The following STK35 variants were observed in gnomAD, a reference collection of about 807,000 sequenced individuals.
STK35 encodes serine/threonine kinase 35, also known as serine/threonine-protein kinase 35.
A neutral mutation model predicts 37.3 loss-of-function variants in STK35; 17 were observed. The observed-to-expected ratio is 0.46, with a 90% CI of 0.31 to 0.68. STK35 has a LOEUF of 0.68. Among genes scored for constraint, STK35 ranks in the 30% least tolerant of loss-of-function variants. STK35 has a pLI of 0.05. For missense variants in STK35, 595 were observed against 746.7 expected, an observed-to-expected ratio of 0.80 and a Z score of 2.37; for synonymous variants, 385 against 319.1, an observed-to-expected ratio of 1.21 and a Z score of -2.20.
In STK35 at chr20:2,103,210, C is replaced by G. The variant is rs1985442157; in HGVS notation, c.737C>G (p.Ala246Gly). ...CCCGAGAACGTGGAGCTGGCGCTGG[C>G]TGAATTCTGGGCCCTCACCAGCCTC... ...DAPENVELALAEFWALTSLKR... is the reference protein window; with the variant it reads ...DAPENVELALGEFWALTSLKR... The change falls in exon 2 of 4, where the codon GCT (alanine) becomes GGT (glycine). Residue 246 changes from alanine to glycine, a missense_variant. By Grantham distance (60) the Ala-to-Gly change is moderately conservative. Transcript: ENST00000381482. 2 of 1,611,664 alleles carry G rather than the reference C, an allele frequency of 1.2e-6. No individual in the cohort carries two copies. Among genetic ancestry groups the G allele is most frequent in the African/African-American group, 2.7e-5 (2 of 74,934 alleles).
At chr20:2,112,480 A>G (rs569770093) in intron 2 of STK35, among the ~76,000 whole-genome samples, 2 of 152,282 alleles carry the variant, frequency 1.3e-5, no homozygotes, top group South Asian at 4.1e-4. Context: ...ACTGTCCCCA[A>G]AGGCAGGCCT....
rs143679349 is a variant in STK35 at position 2,126,159 on chromosome 20, T to C, written c.*37+8744T>C. Among the ~76,000 whole-genome samples the C allele has an allele frequency of 4.9e-3, 741 of 152,354 alleles. 3 individuals carry two copies. The highest frequency in any genetic ancestry group is 0.017 in the African/African-American group (705 of 41,584). ...ATTCCGTCACTCATGCTTACTCCAA[T>C]TGATGTGGCTGCCCATAGCCCTGTG... is the stretch of plus-strand genomic sequence containing the variant. On this transcript the variant is annotated intron_variant, in intron 3 of 3. Transcript: ENST00000381482.
In STK35 at chr20:2,102,827, G is replaced by C. The variant is rs1317041409; in HGVS notation, c.354G>C (p.Gly118=). The change falls in exon 2 of 4, where the codon GGG becomes GGC. Residue 118 remains glycine (G), a synonymous_variant. Transcript: ENST00000381482. ...RPRAGRRDEA[G]GARAAPLLLP... Reference sequence around the variant, plus strand: ...GGGCCGGACGGAGGGATGAGGCAGGGGGGGCCCGGGCAGCGCCGTTGCTGC... The same window carrying C: ...GGGCCGGACGGAGGGATGAGGCAGGCGGGGCCCGGGCAGCGCCGTTGCTGC... The C allele has an allele frequency of 1.3e-6, 2 of 1,529,680 alleles. No homozygotes were observed. Among genetic ancestry groups the C allele is most frequent in the Admixed American group, 2.0e-5 (1 of 50,384 alleles). 94.8% of individuals were successfully genotyped at this position (1,529,680 alleles called of 1,614,324 possible).
At chr20:2,128,385 AG>A (rs1985942118) in intron 3 of STK35, among the ~76,000 whole-genome samples, 1 of 152,126 alleles carries the variant, frequency 6.6e-6, no homozygotes, top group Admixed American at 6.5e-5. Context: ...ATAATTACCT[AG>A]CACTGTGACT....
At position 2,144,589 on chromosome 20, in the gene STK35, G is replaced by A. The variant is rs990851539; in HGVS notation, c.*843G>A. ...TGCTGGCGGTGGAGCAGCCATCCCTGCCTTTCTGTTGGGAAAAACTGTTGT... is the reference window on the plus strand; with the variant it reads ...TGCTGGCGGTGGAGCAGCCATCCCTACCTTTCTGTTGGGAAAAACTGTTGT... On this transcript the variant is annotated 3_prime_UTR_variant, in exon 4 of 4. Transcript: ENST00000381482. 1.3e-5 allele frequency: 2 copies of A among 152,910 alleles called. No individual in the cohort carries two copies. The highest frequency in any genetic ancestry group is 4.8e-5 in the African/African-American group (2 of 41,468). 9.5% of individuals were successfully genotyped at this position (152,910 alleles called of 1,614,324 possible).
At chr20:2,102,538 CAGAG>C (rs540261231) in intron 1 of STK35, among the ~76,000 whole-genome samples, 26 of 152,360 alleles carry the variant, frequency 1.7e-4, no homozygotes, top group Middle Eastern at 3.4e-3. Flanking sequence ...GACAAGCTAA[CAGAG>C]AGAGCGGAGA....
In STK35 at chr20:2,146,081, T is replaced by A. The variant is rs1223366235; in HGVS notation, c.*2335T>A. On this transcript the variant is annotated 3_prime_UTR_variant, in exon 4 of 4. Transcript: ENST00000381482. ...TCGCCAGCCTCCATGCCCCCTCATC[T>A]TCCAGTTCTTGCTTAGTGGCACGAC... 1.3e-5 allele frequency: 2 copies of A among 152,222 alleles called. No individual in the cohort carries two copies. Among genetic ancestry groups the A allele is most frequent in the Non-Finnish European group, 2.9e-5 (2 of 68,046 alleles). 9.4% of individuals were successfully genotyped at this position (152,222 alleles called of 1,614,324 possible). A position where few individuals can be genotyped will look rare whatever the true frequency, so the allele number is the denominator to read the frequency against.
Position 2,128,239 on chromosome 20 carries a change from G to A in STK35, c.*37+10824G>A, listed in dbSNP as rs542744683. Among the ~76,000 whole-genome samples, 71 of 152,328 alleles carry A rather than the reference G, an allele frequency of 4.7e-4. 2 individuals are homozygous for A. The South Asian group carries it at 0.015, about 32-fold the overall frequency. Reference sequence around the variant, plus strand: ...GCAAAAGAGGGTAAATGTGCAGTCAGCCACCCTGCCATCTTTTAGACATGC... The same window carrying A: ...GCAAAAGAGGGTAAATGTGCAGTCAACCACCCTGCCATCTTTTAGACATGC... On this transcript the variant is annotated intron_variant, in intron 3 of 3. Transcript: ENST00000381482.
In STK35 at chr20:2,102,170, G is replaced by A; in HGVS notation, c.289G>A (p.Gly97Ser). 1.4e-6 allele frequency: 2 copies of A among 1,383,272 alleles called. No individual in the cohort carries two copies. The highest frequency in any genetic ancestry group is 1.9e-6 in the Non-Finnish European group (2 of 1,069,770). 85.7% of individuals were successfully genotyped at this position (1,383,272 alleles called of 1,614,324 possible). Residue 97 changes from glycine (G) to serine (S), a missense_variant, in exon 1 of 4, where the codon GGC becomes AGC. Transcript: ENST00000381482. ...GGCCGCCCGGAAGTGGAGGTGCGCG[G>A]GCCAGGTAAGGGCGCCGTTGGAGGA... ...KRAARKWRCA[G>S]QVTIQGPAPP... is the part of the protein sequence containing the mutation.
chr20:2,128,592 G>A lies in STK35; in HGVS notation c.*37+11177G>A, dbSNP rs1483118376. On this transcript the variant is annotated intron_variant, in intron 3 of 3. Transcript: ENST00000381482. ...TGAAGCCCTGTGGCCTCTTACTCCTGTGGGAGTAGGAGGAAACAATTTAAC... is the reference window on the plus strand; with the variant it reads ...TGAAGCCCTGTGGCCTCTTACTCCTATGGGAGTAGGAGGAAACAATTTAAC... Among the ~76,000 whole-genome samples, 5 of 152,262 alleles carry A rather than the reference G, an allele frequency of 3.3e-5. No individual in the cohort carries two copies. In the South Asian group the frequency reaches 1.0e-3, roughly 32 times the overall value.
chr20:2,129,322 G>A (rs1985959263), intron 3 of STK35, among the ~76,000 whole-genome samples: 1 of 152,156 alleles, frequency 6.6e-6, no homozygotes, highest in South Asian at 2.1e-4. Flanking sequence ...CTAACACCTG[G>A]AGGGATTGCC....
chr20:2,121,839 T>A (rs934961473), intron 3 of STK35, among the ~76,000 whole-genome samples: 2 of 152,168 alleles, frequency 1.3e-5, no homozygotes, highest in African/African-American at 2.4e-5. Flanking sequence ...TCAGTACTCA[T>A]GAACAATTTT....
At chr20:2,113,248 C>T (rs1050324940) in intron 2 of STK35, among the ~76,000 whole-genome samples, 3 of 152,194 alleles carry the variant, frequency 2.0e-5, no homozygotes, top group South Asian at 2.1e-4. Context: ...AGTCCCCCGA[C>T]CTCAAAACAT....
At chr20:2,128,449 C>T (rs892239500) in intron 3 of STK35, among the ~76,000 whole-genome samples, 2 of 152,100 alleles carry the variant, frequency 1.3e-5, no homozygotes, top group Non-Finnish European at 2.9e-5. Flanking sequence ...CACTGTTTTC[C>T]CTTTCCCCCG....
At chr20:2,114,684 A>G (rs8119363) in intron 2 of STK35, among the ~76,000 whole-genome samples, 1,618 of 151,924 alleles carry the variant, frequency 0.011, 23 homozygotes, top group African/African-American at 0.035. Flanking sequence ...TTTTTTTACC[A>G]TTTTTTCTTT....
intron 2 of STK35, among the ~76,000 whole-genome samples, chr20:2,104,354 T>A (rs1985472871): frequency 6.6e-6 from 1 of 152,228 alleles, no homozygotes; most frequent in South Asian, 2.1e-4. Context: ...AGTGCTGAAG[T>A]AATTTTTAGG....
At chr20:2,126,346 G>A (rs1162054885) in intron 3 of STK35, among the ~76,000 whole-genome samples, 1 of 152,192 alleles carries the variant, frequency 6.6e-6, no homozygotes, top group African/African-American at 2.4e-5. Flanking sequence ...TGGCTCAGTA[G>A]AGATACAGGA....
intron 3 of STK35, among the ~76,000 whole-genome samples, chr20:2,139,912 C>A (rs1600622765): frequency 6.6e-6 from 1 of 152,306 alleles, no homozygotes; most frequent in Middle Eastern, 3.4e-3. Flanking sequence ...CACCTTCCAC[C>A]CCCAAGGTCA....
At chr20:2,131,160 C>T (rs1985992505) in intron 3 of STK35, among the ~76,000 whole-genome samples, 1 of 152,212 alleles carries the variant, frequency 6.6e-6, no homozygotes, top group Non-Finnish European at 1.5e-5. Context: ...GCCTCCTATA[C>T]ACCTAGGTTA....
Sources: allele counts gnomAD v4.1 joint callset (sites outside exome capture counted in the v4.1 genomes callset), GRCh38; gene constraint gnomAD v4.1.1; transcripts MANE v1.5; gene names NCBI Gene and HGNC (gene_info 2026-07-23, HGNC 2026-07-21).